Variants in RCC1 observed in about 807,000 individuals in gnomAD.
RCC1 encodes the protein regulator of chromosome condensation 1, also known as regulator of chromosome condensation.
Under a neutral mutation model 44.4 loss-of-function variants are expected in RCC1, and 11 were observed. The observed-to-expected ratio is 0.25, with a 90% CI of 0.16 to 0.41. The LOEUF is 0.41. RCC1 is among the 10% of genes least tolerant of loss of function. RCC1 has a pLI of 1.00. For missense variants in RCC1, 386 were observed against 547.1 expected, an observed-to-expected ratio of 0.71 and a Z score of 2.94; for synonymous variants, 213 against 216.5, an observed-to-expected ratio of 0.98 and a Z score of 0.14.
At position 28,538,113 on chromosome 1, in the gene RCC1, T is replaced by C. The variant is rs897846620; in HGVS notation, c.*106T>C. The stretch of plus-strand genomic sequence containing the variant: ...CGGGCCTCTCCCCAGCCCTGAGCAC[T>C]GTGTCAGTTCCTGCCTTTTCTCATC... On this transcript the variant is annotated 3_prime_UTR_variant, in exon 13 of 13. Coordinates refer to ENST00000683442, the MANE Select transcript of RCC1 (RefSeq NM_001381865.2). The C allele has an allele frequency of 3.1e-6, 3 of 980,682 alleles. No homozygotes were observed. Among genetic ancestry groups the C allele is most frequent in the Middle Eastern group, 3.0e-4 (1 of 3,372 alleles). The allele number at this position is 980,682 out of a possible 1,614,324, so 60.7% of individuals were successfully genotyped here.
At chr1:28,518,621 A>AGCGCGGCGGGCCGGGTGC (rs1343497877) in intron 4 of RCC1, 7 of 150,480 alleles carry the variant, frequency 4.7e-5, no homozygotes, top group Non-Finnish European at 3.0e-5. Flanking sequence ...AAACTGCGCG[A>AGCGCGGCGGGCCGGGTGC]GCGCGGCGGG....
At chr1:28,523,177 G>C (rs917121864) in intron 4 of RCC1, among the ~76,000 whole-genome samples, 1 of 151,670 alleles carries the variant, frequency 6.6e-6, no homozygotes, top group South Asian at 2.1e-4. Context: ...GACTACAAGC[G>C]CCCGCCACCA....
chr1:28,532,684 TCCA>T (rs1389634100), intron 7 of RCC1: 2 of 494,416 alleles, frequency 4.0e-6, no homozygotes, highest in East Asian at 5.6e-5. Flanking sequence ...CACTGCCTCT[TCCA>T]CACTTCCCAG....
At chr1:28,514,179 G>A (rs1483573998) in intron 3 of RCC1, among the ~76,000 whole-genome samples, 2 of 151,210 alleles carry the variant, frequency 1.3e-5, no homozygotes, top group African/African-American at 2.4e-5. Flanking sequence ...GGCGGGGCCC[G>A]GTGGCTCACG....
At chr1:28,535,780 G>T (rs768559396) in intron 9 of RCC1, 91 bp from the exon 10 acceptor site, 1 of 1,414,454 alleles carries the variant, frequency 7.1e-7, no homozygotes, top group South Asian at 1.3e-5. Flanking sequence ...GCCTCTCAAG[G>T]GCTTTTATAA....
intron 4 of RCC1, chr1:28,518,947 G>A (rs1368002809): frequency 6.6e-6 from 1 of 152,224 alleles, no homozygotes; most frequent in Non-Finnish European, 1.5e-5. Context: ...CCCAGGCGAC[G>A]GACGCTACTG....
In RCC1 at chr1:28,536,018, A is replaced by C. The variant is rs764461802; in HGVS notation, c.809A>C (p.His270Pro). 7 of 1,608,082 alleles carry C rather than the reference A, an allele frequency of 4.4e-6. No homozygotes were observed. Among genetic ancestry groups the C allele is most frequent in the Non-Finnish European group, 8.5e-7 (1 of 1,176,480 alleles). The change falls in exon 10 of 13, where the codon CAT becomes CCT. Residue 270 changes from histidine (H) to proline (P), a missense_variant. Transcript: ENST00000683442. This position sits in a 1 kb window ranked among gnomAD's most constrained non-coding sequence, Gnocchi z 4.9. ...TACGGCTTCGGCCTCTCCAACTACC[A>C]TCAGCTTGGTGAGCCCCGAGCCCAG... ...HVYGFGLSNYHQLGTPGTESC... is the reference protein window; with the variant it reads ...HVYGFGLSNYPQLGTPGTESC...
rs2124658343 is a variant in RCC1, at chr1:28,532,156, G to A, written c.262-15G>A. 1 of 1,608,420 alleles carries A rather than the reference G, an allele frequency of 6.2e-7. No individual in the cohort carries two copies. The highest frequency in any genetic ancestry group is 2.2e-5 in the East Asian group (1 of 44,704). On this transcript the variant is annotated splice_polypyrimidine_tract_variant and intron_variant, in intron 6 of 12. Coordinates refer to ENST00000683442, the MANE Select transcript of RCC1 (RefSeq NM_001381865.2). ...GAGGCCAGACGTTGCATTAATGAGGGCATCCTGGGCACAGGTCTATTCCTT... is the reference window on the plus strand; with the variant it reads ...GAGGCCAGACGTTGCATTAATGAGGACATCCTGGGCACAGGTCTATTCCTT...
intron 4 of RCC1, among the ~76,000 whole-genome samples, chr1:28,517,240 GC>G (rs1397404425): frequency 6.6e-6 from 1 of 152,106 alleles, no homozygotes; most frequent in Non-Finnish European, 1.5e-5. Flanking sequence ...AACGTCCTTT[GC>G]AAGGGTTTCA....
Position 28,536,622 on chromosome 1 carries a change from TCTC to T in RCC1, c.938-122_938-120del, listed in dbSNP as rs1238365332. The T allele has an allele frequency of 5.6e-6, 7 of 1,247,542 alleles. No individual in the cohort carries two copies. In the African/African-American group the frequency reaches 7.4e-5, roughly 13 times the overall value. The allele number at this position is 1,247,542 out of a possible 1,614,324, so 77.3% of individuals were successfully genotyped here. ...CAAAACTGGGAAGAGACACTGCAGA[TCTC>T]CTTCTGATCGCTCTGGGAGCAGGGA... On this transcript the variant is annotated intron_variant, in intron 11 of 12. Transcript: ENST00000683442. This position sits in a 1 kb window ranked among gnomAD's most constrained non-coding sequence, Gnocchi z 4.9.
intron 4 of RCC1, 105 bp from the exon 5 acceptor site, chr1:28,529,753 G>T: frequency 3.6e-6 from 3 of 821,920 alleles, no homozygotes; most frequent in East Asian, 2.7e-5. Flanking sequence ...TGGAATTGTT[G>T]GGCAATTCCT....
chr1:28,513,391 C>T (rs1444674999), intron 3 of RCC1, among the ~76,000 whole-genome samples: 1 of 152,002 alleles, frequency 6.6e-6, no homozygotes, highest in East Asian at 1.9e-4. Context: ...GATGGGGTTT[C>T]ACCATGTTGC....
intron 3 of RCC1, among the ~76,000 whole-genome samples, chr1:28,513,906 C>T (rs563843566): frequency 2.6e-5 from 4 of 151,962 alleles, no homozygotes; most frequent in African/African-American, 9.7e-5. Flanking sequence ...TTTTAACTTA[C>T]AATAGTCCAC....
chr1:28,508,535 T>TC, intron 2 of RCC1: 2 of 513,198 alleles, frequency 3.9e-6, no homozygotes. Flanking sequence ...TGTCGGTTAC[T>TC]CCAATTCCTC....
chr1:28,507,600 C>CTTTT lies in RCC1; in HGVS notation c.-261-510_-261-507dup, dbSNP rs34452349. 8.9e-5 allele frequency: 31 copies of CTTTT among 348,018 alleles called. 1 individual carries two copies. The highest frequency in any genetic ancestry group is 9.1e-5 in the Non-Finnish European group (17 of 186,648). The allele number at this position is 348,018 out of a possible 1,614,324, so 21.6% of individuals were successfully genotyped here. On this transcript the variant is annotated intron_variant, in intron 1 of 12. Transcript: ENST00000683442. ...TAGAGCACTGAATCTGGATTGAAGTCTTTTTTTTTTTTTTTTTTTTTGGAG... is the reference window on the plus strand; with the variant it reads ...TAGAGCACTGAATCTGGATTGAAGTCTTTTTTTTTTTTTTTTTTTTTTTTTGGAG...
At chr1:28,530,922 G>T (rs1009277764) in intron 5 of RCC1, among the ~76,000 whole-genome samples, 4 of 152,174 alleles carry the variant, frequency 2.6e-5, no homozygotes, top group African/African-American at 9.7e-5. Flanking sequence ...GATGGAGACT[G>T]GGGATTGTTC....
At chr1:28,532,683 T>C (rs1392216807) in intron 7 of RCC1, 3 of 493,318 alleles carry the variant, frequency 6.1e-6, no homozygotes, top group Non-Finnish European at 1.2e-5. Flanking sequence ...GCACTGCCTC[T>C]TCCACACTTC....
At chr1:28,529,333 A>G (rs1331811969) in intron 4 of RCC1, among the ~76,000 whole-genome samples, 1 of 150,240 alleles carries the variant, frequency 6.7e-6, no homozygotes, top group African/African-American at 2.5e-5. Context: ...ACAGGTGCCC[A>G]TCACTGTGCC....
chr1:28,527,615 A>G (rs1056349462), intron 4 of RCC1, among the ~76,000 whole-genome samples: 2 of 152,136 alleles, frequency 1.3e-5, no homozygotes, highest in East Asian at 1.9e-4. Flanking sequence ...CACATTACCA[A>G]AGTTACTGGT....
Sources: gnomAD v4.1 joint callset for allele counts (sites outside exome capture counted in the v4.1 genomes callset) on GRCh38, gnomAD v4.1.1 for gene constraint, Gnocchi (gnomAD v3.1) non-coding constraint, MANE v1.5 for transcripts, NCBI Gene and HGNC (gene_info 2026-07-23, HGNC 2026-07-21) for gene names.